Variants in FLVCR2 observed in about 807,000 individuals in gnomAD.
FLVCR2 encodes FLVCR choline and putative heme transporter 2.
In FLVCR2, 38 loss-of-function variants were observed where a neutral mutation model predicts 48.9. The ratio of observed to expected loss-of-function variants is 0.78; its 90% CI spans 0.60 to 1.02. The LOEUF (loss-of-function observed/expected upper bound fraction) is 1.02, where lower values mean the gene tolerates loss of function less well. Ranked by LOEUF, FLVCR2 falls within the 50% of genes least tolerant of loss-of-function variation. FLVCR2 has a pLI of 0.00. For missense variants in FLVCR2, 664 were observed against 663.3 expected (o/e 1.00, Z -0.01); for synonymous variants, 255 against 257.0 (o/e 0.99, Z 0.07).
chr14:75,635,073 C>A, intron 5 of FLVCR2, 60 bp downstream of exon 5: 3 of 1,113,276 alleles, frequency 2.7e-6, no homozygotes, highest in South Asian at 1.3e-5. Context: ...ATGACATATT[C>A]ATAAGCAGTG....
Position 75,604,980 on chromosome 14 carries a change from A to G in FLVCR2, c.670-17099A>G, listed in dbSNP as rs531899559. On this transcript the variant is annotated intron_variant, in intron 1 of 9. Coordinates refer to ENST00000238667, the MANE Select transcript of FLVCR2 (RefSeq NM_017791.3). The stretch of plus-strand genomic sequence containing the variant: ...ACAGATACTCACTGGGTCAACCCCT[A>G]TGCCTGTGCACAAGACTTTAGTCTC... Among the ~76,000 whole-genome samples, 4 of 152,282 alleles carry G rather than the reference A, an allele frequency of 2.6e-5. No individual in the cohort carries two copies. The East Asian group carries it at 5.8e-4, about 22-fold the overall frequency.
chr14:75,605,713 C>T (rs1889274853), intron 1 of FLVCR2: 1 of 1,259,364 alleles, frequency 7.9e-7, no homozygotes. Context: ...GCTTTGGCTC[C>T]CCTCCGATTG....
chr14:75,640,029 G>A (rs1033163009), intron 6 of FLVCR2, among the ~76,000 whole-genome samples: 5 of 152,146 alleles, frequency 3.3e-5, no homozygotes, highest in Non-Finnish European at 5.9e-5. Flanking sequence ...GGAGTCCAAG[G>A]CAGGCAGATC....
intron 6 of FLVCR2, 37 bp from the exon 7 acceptor site, chr14:75,640,918 G>A: frequency 5.5e-6 from 8 of 1,461,722 alleles, no homozygotes; most frequent in Middle Eastern, 1.7e-4. Flanking sequence ...TGTTCTGGAA[G>A]TTCTTCATCC....
intron 1 of FLVCR2, among the ~76,000 whole-genome samples, chr14:75,593,696 G>A (rs975901795): frequency 4.6e-5 from 7 of 152,192 alleles, no homozygotes; most frequent in African/African-American, 1.7e-4. Context: ...GATCATATCC[G>A]AACCATAGCA....
intron 1 of FLVCR2, among the ~76,000 whole-genome samples, chr14:75,617,336 G>A (rs1165814127): frequency 2.0e-5 from 3 of 152,134 alleles, no homozygotes; most frequent in Admixed American, 6.5e-5. Context: ...CTCTGGAAAC[G>A]TTCCTGATTA....
chr14:75,605,737 G>A (rs1225575980), intron 1 of FLVCR2: 2 of 1,010,242 alleles, frequency 2.0e-6, no homozygotes, highest in Non-Finnish European at 3.0e-6. Context: ...CTCCAGAGAG[G>A]AGTTGAACAC....
intron 5 of FLVCR2, among the ~76,000 whole-genome samples, chr14:75,636,661 G>A (rs940753860): frequency 8.5e-5 from 13 of 152,180 alleles, no homozygotes; most frequent in Non-Finnish European, 1.6e-4. Context: ...GTCAGCACAA[G>A]ATATTTTTCT....
intron 1 of FLVCR2, among the ~76,000 whole-genome samples, chr14:75,581,696 TGACTCG>T (rs1361484950): frequency 6.6e-6 from 1 of 152,238 alleles, no homozygotes; most frequent in African/African-American, 2.4e-5. Context: ...TTTAGTTTCC[TGACTCG>T]GGGCATGTGA....
At chr14:75,594,628 G>C (rs981793899) in intron 1 of FLVCR2, among the ~76,000 whole-genome samples, 1 of 152,188 alleles carries the variant, frequency 6.6e-6, no homozygotes, top group Non-Finnish European at 1.5e-5. Context: ...GCCGTCACAT[G>C]GGTGACAGAA....
chr14:75,604,627 CCT>C (rs1237747607), intron 1 of FLVCR2, among the ~76,000 whole-genome samples: 5 of 152,188 alleles, frequency 3.3e-5, no homozygotes, highest in South Asian at 2.1e-4. Flanking sequence ...AAGGTAATCG[CCT>C]CTGTCTTCTG....
intron 1 of FLVCR2, among the ~76,000 whole-genome samples, chr14:75,610,824 G>A (rs1889423836): frequency 6.6e-6 from 1 of 152,218 alleles, no homozygotes; most frequent in African/African-American, 2.4e-5. Context: ...CTGTCTGGGG[G>A]CTTCCTTAGG....
rs962645712 is a variant in FLVCR2 at position 75,624,778 on chromosome 14, G to A, written c.952+26G>A. The A allele has an allele frequency of 4.3e-6, 7 of 1,613,332 alleles. No homozygotes were observed. The African/African-American group carries it at 5.3e-5, about 12-fold the overall frequency. On this transcript the variant is annotated intron_variant, in intron 3 of 9. Transcript: ENST00000238667. The stretch of plus-strand genomic sequence containing the variant: ...GTAAGGTGTCAATGTGTCTAGGAAT[G>A]CATTCGAGCTGGAAATGTTAGATGA...
In FLVCR2 at chr14:75,638,621, C is replaced by T. The variant is rs553871152; in HGVS notation, c.1125-731C>T. Among the ~76,000 whole-genome samples, 4 of 152,250 alleles carry T rather than the reference C, an allele frequency of 2.6e-5. No individual in the cohort carries two copies. The South Asian group carries it at 8.3e-4, about 32-fold the overall frequency. ...GGGGTAGTCCTGAATGTCACCGCCA[C>T]CTCATCATGGCTGATGTTTGTCCTG... On this transcript the variant is annotated intron_variant, in intron 5 of 9. Transcript: ENST00000238667.
chr14:75,610,528 AC>A (rs1889415407), intron 1 of FLVCR2, among the ~76,000 whole-genome samples: 1 of 152,048 alleles, frequency 6.6e-6, no homozygotes, highest in South Asian at 2.1e-4. Context: ...TTCTCTGTTT[AC>A]AGCCTAGTGT....
chr14:75,642,330 C>T (rs530959409), intron 9 of FLVCR2, among the ~76,000 whole-genome samples: 4 of 152,288 alleles, frequency 2.6e-5, no homozygotes, highest in African/African-American at 9.6e-5. Flanking sequence ...CTGTGACTCT[C>T]CTGGCATGTG....
At chr14:75,585,651 C>A (rs548304189) in intron 1 of FLVCR2, among the ~76,000 whole-genome samples, 140 of 152,148 alleles carry the variant, frequency 9.2e-4, no homozygotes, top group African/African-American at 3.3e-3. Flanking sequence ...GGGTGAATGA[C>A]CAAGGCAGGC....
chr14:75,646,905 A>T lies in FLVCR2; in HGVS notation c.*433A>T. The T allele has an allele frequency of 7.5e-6, 2 of 268,360 alleles. No homozygotes were observed. Among genetic ancestry groups the T allele is most frequent in the South Asian group, 8.7e-5 (2 of 22,872 alleles). 16.6% of individuals were successfully genotyped at this position (268,360 alleles called of 1,614,324 possible). A position where few individuals can be genotyped will look rare whatever the true frequency, so the allele number is the denominator to read the frequency against. On this transcript the variant is annotated 3_prime_UTR_variant, in exon 10 of 10. Coordinates refer to ENST00000238667, the MANE Select transcript of FLVCR2 (RefSeq NM_017791.3). ...CCTCTCATGAAGCCCAGTTCTAATAAGTGGCAAGCTGCTCTGCCGGGGTCA... is the reference window on the plus strand; with the variant it reads ...CCTCTCATGAAGCCCAGTTCTAATATGTGGCAAGCTGCTCTGCCGGGGTCA...
At chr14:75,588,850 C>T (rs182179655) in intron 1 of FLVCR2, among the ~76,000 whole-genome samples, 3 of 152,294 alleles carry the variant, frequency 2.0e-5, no homozygotes, top group Admixed American at 1.3e-4. Flanking sequence ...AATTTTATGT[C>T]CTTCTCTTGG....
Sources: allele counts gnomAD v4.1 joint callset (sites outside exome capture counted in the v4.1 genomes callset), GRCh38; gene constraint gnomAD v4.1.1; transcripts MANE v1.5; gene names NCBI Gene and HGNC (gene_info 2026-07-23, HGNC 2026-07-21).